Variants in NAV2 observed in about 807,000 individuals in gnomAD.
The protein encoded by NAV2 is helicase, APC down-regulated 1.
NAV2 carries 54 observed loss-of-function variants against 223.2 expected under a neutral mutation model. The ratio of observed to expected loss-of-function variants is 0.24; its 90% CI spans 0.19 to 0.30. The LOEUF (loss-of-function observed/expected upper bound fraction) is 0.30, where lower values mean the gene tolerates loss of function less well. Among genes scored for constraint, NAV2 ranks in the 10% least tolerant of loss-of-function variants. The pLI is 1.00. For missense variants in NAV2, 2,806 were observed against 3,147.5 expected, an observed-to-expected ratio of 0.89 and a Z score of 2.60; for synonymous variants, 1,279 against 1,239.3, an observed-to-expected ratio of 1.03 and a Z score of -0.67.
intron 1 of NAV2, among the ~76,000 whole-genome samples, chr11:19,495,743 A>C (rs562135059): frequency 6.6e-6 from 1 of 152,272 alleles, no homozygotes; most frequent in African/African-American, 2.4e-5. Flanking sequence ...GTAAATATAC[A>C]TATTTTTATG....
intron 1 of NAV2, among the ~76,000 whole-genome samples, chr11:19,480,297 G>A (rs2042239672): frequency 1.3e-5 from 2 of 152,112 alleles, no homozygotes. Context: ...CATCTTTGAG[G>A]CAAGCTTTGG....
chr11:20,056,675 T>G, intron 19 of NAV2: 1 of 1,263,626 alleles, frequency 7.9e-7, no homozygotes, highest in South Asian at 1.2e-5. Context: ...CCCCACCCCA[T>G]GAAGATGGGG....
upstream of NAV2, among the ~76,000 whole-genome samples, chr11:19,349,222 G>C (rs995687648): frequency 3.9e-5 from 6 of 152,156 alleles, no homozygotes; most frequent in African/African-American, 1.4e-4. Context: ...ATCTGTTCTG[G>C]CCGAGTGTTT....
intron 1 of NAV2, among the ~76,000 whole-genome samples, chr11:19,453,706 C>T (rs1203438257): frequency 6.6e-6 from 1 of 152,184 alleles, no homozygotes; most frequent in Non-Finnish European, 1.5e-5. Context: ...CCTCAGGGCC[C>T]CCACAGCTCT....
intron 10 of NAV2, among the ~76,000 whole-genome samples, chr11:19,956,500 G>T (rs544260125): frequency 6.6e-5 from 10 of 152,112 alleles, no homozygotes; most frequent in Admixed American, 2.6e-4. Flanking sequence ...GAGTTCCCAT[G>T]ACCTCCCTTA....
At chr11:19,667,966 T>A (rs1359072737) in intron 1 of NAV2, among the ~76,000 whole-genome samples, 3 of 152,200 alleles carry the variant, frequency 2.0e-5, no homozygotes, top group African/African-American at 7.2e-5. Flanking sequence ...ACTGCCCTTA[T>A]ACTTCTAAGG....
intron 36 of NAV2, among the ~76,000 whole-genome samples, chr11:20,109,860 C>A (rs1232025981): frequency 6.6e-6 from 1 of 152,238 alleles, no homozygotes; most frequent in Non-Finnish European, 1.5e-5. Context: ...AGGCATTAAC[C>A]AGGAAGCAGG....
At chr11:19,505,076 T>C (rs546212080) in intron 1 of NAV2, 3 of 152,372 alleles carry the variant, frequency 2.0e-5, no homozygotes, top group Admixed American at 2.0e-4. Context: ...GAATACACTG[T>C]GCTAGCTGTA....
chr11:20,117,844 A>G (rs2063251314), intron 37 of NAV2, among the ~76,000 whole-genome samples: 1 of 152,230 alleles, frequency 6.6e-6, no homozygotes, highest in Admixed American at 6.5e-5. Context: ...ATATTAACTC[A>G]ATCCACCCAT....
chr11:19,842,341 G>A (rs549741452), intron 2 of NAV2, among the ~76,000 whole-genome samples: 9 of 152,266 alleles, frequency 5.9e-5, no homozygotes, highest in African/African-American at 2.2e-4. Flanking sequence ...CACATAGTGA[G>A]AAAGTGATGA....
chr11:19,404,119 G>A (rs2729914), intron 1 of NAV2, among the ~76,000 whole-genome samples: 124,580 of 152,096 alleles, frequency 0.82, 51,773 homozygotes, highest in Non-Finnish European at 0.9. Flanking sequence ...CTTGAGTACA[G>A]GGTGCGAGAC....
At chr11:19,854,803 C>G (rs189392955) in intron 3 of NAV2, among the ~76,000 whole-genome samples, 2 of 152,316 alleles carry the variant, frequency 1.3e-5, no homozygotes, top group Admixed American at 6.5e-5. Context: ...AAGAAACTTA[C>G]TTCTTCCTCT....
intron 1 of NAV2, among the ~76,000 whole-genome samples, chr11:19,498,485 A>G (rs974646261): frequency 3.9e-5 from 6 of 152,254 alleles, no homozygotes; most frequent in Non-Finnish European, 7.3e-5. Flanking sequence ...GTGAGAAAAT[A>G]TATAAATGAA....
chr11:19,821,134 C>T (rs540726344), intron 1 of NAV2, among the ~76,000 whole-genome samples: 10 of 152,122 alleles, frequency 6.6e-5, no homozygotes, highest in South Asian at 4.2e-4. Context: ...TGGTGGCAGG[C>T]ACCTGTAGTC....
intron 10 of NAV2, among the ~76,000 whole-genome samples, chr11:19,950,672 C>A (rs1259045163): frequency 1.3e-5 from 2 of 152,178 alleles, no homozygotes; most frequent in Non-Finnish European, 2.9e-5. Flanking sequence ...ATCCACCAAA[C>A]CTTTTGCAGG....
chr11:19,854,749 A>T (rs12574401), intron 3 of NAV2, among the ~76,000 whole-genome samples: 21,145 of 152,162 alleles, frequency 0.14, 1,824 homozygotes, highest in East Asian at 0.31. Flanking sequence ...TATTGACTTA[A>T]ATTATTCTTG....
At chr11:19,547,139 G>C (rs1409604534) in intron 1 of NAV2, among the ~76,000 whole-genome samples, 1 of 152,168 alleles carries the variant, frequency 6.6e-6, no homozygotes, top group Non-Finnish European at 1.5e-5. Context: ...TGGCAACACT[G>C]CTGCCCCAGA....
At chr11:20,017,733 G>A (rs1028773435) in intron 11 of NAV2, among the ~76,000 whole-genome samples, 5 of 152,002 alleles carry the variant, frequency 3.3e-5, no homozygotes, top group Non-Finnish European at 5.9e-5. Context: ...TATAATTCTT[G>A]TTGAAAATAA....
intron 1 of NAV2, among the ~76,000 whole-genome samples, chr11:19,830,003 G>A (rs898640508): frequency 1.3e-5 from 2 of 152,174 alleles, no homozygotes; most frequent in African/African-American, 4.8e-5. Context: ...GAGGTGGGCA[G>A]ATCACAAGGC....
Sources: allele counts gnomAD v4.1 joint callset (sites outside exome capture counted in the v4.1 genomes callset), GRCh38; gene constraint gnomAD v4.1.1; transcripts MANE v1.5; gene names NCBI Gene and HGNC (gene_info 2026-07-23, HGNC 2026-07-21).